Variants in CYBB observed in about 807,000 individuals in gnomAD.
CYBB encodes cytochrome b-245 beta chain, also known as NADPH oxidase 2.
A neutral mutation model predicts 46.5 loss-of-function variants in CYBB; 5 were observed. That is an observed-to-expected ratio of 0.11 (90% CI 0.06 to 0.23). The LOEUF is 0.23. CYBB is among the 10% of genes least tolerant of loss of function. The pLI, the probability that CYBB is intolerant of heterozygous loss-of-function variation, is 1.00. For synonymous variants in CYBB, 183 were observed against 156.7 expected, an observed-to-expected ratio of 1.17 and a Z score of -1.26; for missense variants, 307 against 428.3, an observed-to-expected ratio of 0.72 and a Z score of 2.50.
rs1929379035 is a variant in CYBB at position 37,799,046 on chromosome X, G to A, written c.766G>A (p.Glu256Lys). 17 of 1,206,786 alleles carry A rather than the reference G, an allele frequency of 1.4e-5. No individual in the cohort carries two copies. The highest frequency in any genetic ancestry group is 1.8e-5 in the Non-Finnish European group (16 of 892,535). Residue 256 changes from glutamate (E) to lysine (K), a missense_variant, in exon 7 of 13, where the codon GAA becomes AAA. Glu to Lys is a moderately conservative substitution (Grantham distance 56). Transcript: ENST00000378588. ...QKISEWGKIK[E>K]CPIPQFAGNP... Reference sequence around the variant, plus strand: ...AATCTCAGAATGGGGAAAAATAAAGGAATGCCCAATCCCTCAGTTTGCTGG... The same window carrying A: ...AATCTCAGAATGGGGAAAAATAAAGAAATGCCCAATCCCTCAGTTTGCTGG...
At position 37,793,886 on chromosome X, in the gene CYBB, C is replaced by G. The variant is rs1195284043; in HGVS notation, c.483+76C>G. ...GGACTAGATTTCAGTGAGTGAAGAC[C>G]TCTCCTTTGCCAAAAAAAAAAAAAG... On this transcript the variant is annotated intron_variant, in intron 5 of 12. Coordinates refer to ENST00000378588, the MANE Select transcript of CYBB (RefSeq NM_000397.4). 12 of 994,910 alleles carry G rather than the reference C, an allele frequency of 1.2e-5. No homozygotes were observed. In the African/African-American group the frequency reaches 2.3e-4, roughly 19 times the overall value. 82.0% of individuals were successfully genotyped at this position (994,910 alleles called of 1,213,427 possible).
Position 37,791,985 on chromosome X carries a change from C to T in CYBB, c.263C>T (p.Thr88Ile). 8.3e-7 allele frequency: 1 copy of T among 1,204,611 alleles called. No homozygotes were observed. The highest frequency in any genetic ancestry group is 1.7e-5 in the African/African-American group (1 of 57,649). ...FLRGSSACCS[T>I]RVRRQLDRNL... ...CCCCTTAATCCAAAGTGCTGCTCAA[C>T]AAGAGTTCGAAGACAACTGGACAGG... is the stretch of plus-strand genomic sequence containing the variant. The change falls in exon 4 of 13, where the codon ACA becomes ATA. Residue 88 changes from threonine (T) to isoleucine (I), a missense_variant. Coordinates refer to ENST00000378588, the MANE Select transcript of CYBB (RefSeq NM_000397.4).
intron 6 of CYBB, among the ~76,000 whole-genome samples, chrX:37,796,895 G>A (rs1052398279): frequency 8.9e-6 from 1 of 111,887 alleles, no homozygotes; most frequent in Non-Finnish European, 1.9e-5. Context: ...AGCAGGCTGT[G>A]ATAAATGTTC....
At chrX:37,801,415 T>A in intron 8 of CYBB, 67 bp downstream of exon 8, 2 of 680,214 alleles carry the variant, frequency 2.9e-6, no homozygotes, top group Non-Finnish European at 4.9e-6. Context: ...TCTTCCCAAC[T>A]CCTCTATATC....
chrX:37,792,588 T>C lies in CYBB; in HGVS notation c.337+529T>C, dbSNP rs1410701156. On this transcript the variant is annotated intron_variant, in intron 4 of 12. Coordinates refer to ENST00000378588, the MANE Select transcript of CYBB (RefSeq NM_000397.4). ...GTGTGTATATAGATATTATATGTTA[T>C]TATTAAAATTATTAGGGTGGTAGTG... Among the ~76,000 whole-genome samples, 3 of 110,832 alleles carry C rather than the reference T, an allele frequency of 2.7e-5. No individual in the cohort carries two copies. The East Asian group carries it at 8.5e-4, about 31-fold the overall frequency.
chrX:37,806,188 T>C (rs1439014684), intron 10 of CYBB, among the ~76,000 whole-genome samples, 199 bp from the exon 11 acceptor site: 1 of 111,839 alleles, frequency 8.9e-6, no homozygotes, highest in African/African-American at 3.3e-5. Flanking sequence ...AGTTACTTAT[T>C]TACTGCCCTG....
chrX:37,807,518 C>T (rs1437575944), intron 11 of CYBB, among the ~76,000 whole-genome samples: 2 of 109,808 alleles, frequency 1.8e-5, no homozygotes, highest in African/African-American at 6.6e-5. Context: ...TATCATGTCA[C>T]CAACCCTATG....
rs782647923 is a variant in CYBB, at chrX:37,809,562, T to C, written c.1462-5T>C. On this transcript the variant is annotated splice_polypyrimidine_tract_variant and splice_region_variant and intron_variant, in intron 11 of 12. Transcript: ENST00000378588. ...TTTTTTCTGAATTCATGTCCTTTCC[T>C]GTAGGCCAATCACTTTGCTGTGCAC... 4.2e-6 allele frequency: 5 copies of C among 1,197,096 alleles called. No individual in the cohort carries two copies. Among genetic ancestry groups the C allele is most frequent in the Non-Finnish European group, 5.6e-6 (5 of 886,861 alleles).
chrX:37,793,901 A>T (rs2146810397), intron 5 of CYBB, 91 bp downstream of exon 5: 1 of 935,172 alleles, frequency 1.1e-6, no homozygotes, highest in South Asian at 2.1e-5. Flanking sequence ...CTTTGCCAAA[A>T]AAAAAAAAAG....
intron 7 of CYBB, among the ~76,000 whole-genome samples, chrX:37,800,788 A>G (rs1556469695): frequency 8.9e-6 from 1 of 112,533 alleles, no homozygotes; most frequent in Non-Finnish European, 1.9e-5. Flanking sequence ...AGAAACAGCC[A>G]AACTCTTGCA....
At chrX:37,804,358 T>C (rs1486586166) in intron 9 of CYBB, among the ~76,000 whole-genome samples, 4 of 111,841 alleles carry the variant, frequency 3.6e-5, no homozygotes, top group Middle Eastern at 4.6e-3. Context: ...AAATAAATAC[T>C]CCCAAATTCC....
At chrX:37,808,756 T>C (rs781972204) in intron 11 of CYBB, among the ~76,000 whole-genome samples, 22 of 112,787 alleles carry the variant, frequency 2.0e-4, no homozygotes, top group African/African-American at 7.1e-4. Flanking sequence ...TTTACTGTTC[T>C]GTTATTTTAA....
Position 37,811,022 on chromosome X carries a change from A to G in CYBB, c.*105A>G. ...CCTGCTTAAAAATGGACAAAAAGAAACTATAATGTAATGGTTTTCCCTTAA... is the reference window on the plus strand; with the variant it reads ...CCTGCTTAAAAATGGACAAAAAGAAGCTATAATGTAATGGTTTTCCCTTAA... On this transcript the variant is annotated 3_prime_UTR_variant, in exon 13 of 13. Transcript: ENST00000378588. The G allele has an allele frequency of 1.3e-6, 1 of 761,451 alleles. No individual in the cohort carries two copies. The highest frequency in any genetic ancestry group is 2.3e-5 in the South Asian group (1 of 43,271). 62.8% of individuals were successfully genotyped at this position (761,451 alleles called of 1,213,427 possible). A position where few individuals can be genotyped will look rare whatever the true frequency, so the allele number is the denominator to read the frequency against.
At chrX:37,793,433 AC>A (rs1241738717) in intron 4 of CYBB, among the ~76,000 whole-genome samples, 1 of 110,260 alleles carries the variant, frequency 9.1e-6, no homozygotes, top group East Asian at 2.9e-4. Context: ...GGAAACCAAG[AC>A]CAGAGAGTTA....
chrX:37,804,766 A>C (rs782750116), intron 9 of CYBB, among the ~76,000 whole-genome samples: 1 of 110,891 alleles, frequency 9.0e-6, no homozygotes, highest in Non-Finnish European at 1.9e-5. Context: ...AAAAAAAAAA[A>C]AAACTTGTTC....
At chrX:37,793,955 G>C in intron 5 of CYBB, 145 bp downstream of exon 5, 1 of 516,044 alleles carries the variant, frequency 1.9e-6, no homozygotes. Context: ...TACAATAATG[G>C]GAGTATAGAA....
At chrX:37,804,161 A>G (rs782094095) in intron 9 of CYBB, 31 bp downstream of exon 9, 1 of 1,199,541 alleles carries the variant, frequency 8.3e-7, no homozygotes, top group African/African-American at 1.8e-5. Flanking sequence ...ACCAACGTAT[A>G]TGAGTTCAGG....
In CYBB at chrX:37,803,995, C is replaced by A. The variant is rs151344470; in HGVS notation, c.1016C>A (p.Pro339His). Reference protein sequence around the residue: ...CPKVSKLEWHPFTLTSAPEED... With the variant: ...CPKVSKLEWHHFTLTSAPEED... ...AAGGTGTCCAAGCTGGAGTGGCACC[C>A]TTTTACACTGACATCCGCCCCTGAG... Residue 339 changes from proline (P) to histidine (H), a missense_variant, in exon 9 of 13, where the codon CCT becomes CAT. This residue lies in a region of CYBB where 122 missense variants were observed against 208.3 expected (regional missense o/e 0.59). Coordinates refer to ENST00000378588, the MANE Select transcript of CYBB (RefSeq NM_000397.4). The A allele has an allele frequency of 8.3e-7, 1 of 1,211,314 alleles. No homozygotes were observed. Among genetic ancestry groups the A allele is most frequent in the Non-Finnish European group, 1.1e-6 (1 of 895,260 alleles).
chrX:37,787,096 G>C (rs782313104), intron 3 of CYBB, among the ~76,000 whole-genome samples: 1 of 111,957 alleles, frequency 8.9e-6, no homozygotes, highest in South Asian at 3.7e-4. Flanking sequence ...GATAGGCCAT[G>C]AGCTTAAGGA....
Sources: allele counts gnomAD v4.1 joint callset (sites outside exome capture counted in the v4.1 genomes callset), GRCh38; gene constraint gnomAD v4.1.1; regional missense constraint gnomAD v4.1.1; transcripts MANE v1.5; gene names NCBI Gene and HGNC (gene_info 2026-07-23, HGNC 2026-07-21).